The following CEP112 variants were observed in gnomAD, a reference collection of about 807,000 sequenced individuals.
The protein encoded by CEP112 is centrosomal protein of 112 kDa.
CEP112 carries 127 observed loss-of-function variants against 153.0 expected under a neutral mutation model. The ratio of observed to expected loss-of-function variants is 0.83; its 90% CI spans 0.72 to 0.96. CEP112 has a LOEUF of 0.96. Among genes scored for constraint, CEP112 ranks in the 40% least tolerant of loss-of-function variants. The probability of loss-of-function intolerance (pLI) is 0.00; values close to 1 mark genes in which losing one functional copy is unlikely to be tolerated. For synonymous variants in CEP112, 358 were observed against 374.4 expected (o/e 0.96, Z 0.51); for missense variants, 1,089 against 1,101.2 (o/e 0.99, Z 0.16).
chr17:65,895,779 C>A (rs1054825117), intron 20 of CEP112, among the ~76,000 whole-genome samples: 1 of 152,072 alleles, frequency 6.6e-6, no homozygotes, highest in African/African-American at 2.4e-5. Flanking sequence ...TGGATGTGGT[C>A]ATCTCTTTAG....
intron 24 of CEP112, chr17:65,655,402 C>T: frequency 6.8e-7 from 1 of 1,466,896 alleles, no homozygotes; most frequent in Non-Finnish European, 9.5e-7. Flanking sequence ...GAACTAAGAA[C>T]AGTACATGAC....
intron 21 of CEP112, among the ~76,000 whole-genome samples, chr17:65,846,274 A>T (rs969308189): frequency 5.9e-5 from 9 of 152,366 alleles, no homozygotes; most frequent in Non-Finnish European, 1.2e-4. Flanking sequence ...GCAGCTTGTT[A>T]GTTTTATTCA....
rs184353229 is a variant in CEP112, at chr17:66,122,166, T to C, written c.642+7580A>G. Among the ~76,000 whole-genome samples the C allele has an allele frequency of 4.9e-3, 742 of 152,314 alleles. 7 individuals carry two copies. The highest frequency in any genetic ancestry group is 0.017 in the African/African-American group (702 of 41,570). On this transcript the variant is annotated intron_variant, in intron 6 of 26. Transcript: ENST00000535342. ...ACCTCAGCCTCCCAAAGTGCTGGGA[T>C]TATAGGCATGAGCCACTGCGCCTGG... is the stretch of plus-strand genomic sequence containing the variant.
At chr17:65,647,161 C>T (rs1464574411) in intron 24 of CEP112, among the ~76,000 whole-genome samples, 4 of 139,182 alleles carry the variant, frequency 2.9e-5, no homozygotes, top group Admixed American at 8.0e-5. Flanking sequence ...CTATATATCA[C>T]TCTTGATTCT....
At chr17:65,970,124 G>A (rs944048185) in intron 17 of CEP112, among the ~76,000 whole-genome samples, 5 of 152,198 alleles carry the variant, frequency 3.3e-5, no homozygotes, top group Non-Finnish European at 7.4e-5. Flanking sequence ...CATATCGCAT[G>A]TATATTGCAT....
intron 23 of CEP112, among the ~76,000 whole-genome samples, chr17:65,740,161 A>C (rs75124058): frequency 0.016 from 2,376 of 152,246 alleles, 53 homozygotes; most frequent in African/African-American, 0.052. Context: ...GAACATTTTC[A>C]ATATCCTTAT....
chr17:66,155,343 G>T (rs1238347510), intron 4 of CEP112, among the ~76,000 whole-genome samples: 1 of 152,090 alleles, frequency 6.6e-6, no homozygotes, highest in Non-Finnish European at 1.5e-5. Flanking sequence ...TGCCGTGAGG[G>T]ACAGTGCATT....
intron 21 of CEP112, among the ~76,000 whole-genome samples, chr17:65,802,142 G>A (rs2055317516): frequency 6.6e-6 from 1 of 152,084 alleles, no homozygotes; most frequent in South Asian, 2.1e-4. Flanking sequence ...CTAGTTAGTG[G>A]TCAGCTAATG....
chr17:65,720,544 G>T (rs1286509948), intron 23 of CEP112, among the ~76,000 whole-genome samples: 1 of 152,200 alleles, frequency 6.6e-6, no homozygotes, highest in Non-Finnish European at 1.5e-5. Flanking sequence ...GACAGAGGCA[G>T]CAAGGATGTC....
At chr17:66,067,452 T>C (rs1026572755) in intron 9 of CEP112, among the ~76,000 whole-genome samples, 10 of 152,214 alleles carry the variant, frequency 6.6e-5, no homozygotes, top group African/African-American at 2.4e-4. Flanking sequence ...ATATTTTTCT[T>C]ATACTTACGA....
intron 2 of CEP112, 128 bp from the exon 3 acceptor site, chr17:66,177,148 G>A: frequency 1.4e-6 from 1 of 707,292 alleles, no homozygotes; most frequent in Non-Finnish European, 2.3e-6. Context: ...TTAAAGGCCA[G>A]AGAGTATATA....
chr17:66,087,216 C>T (rs892048804), intron 8 of CEP112, among the ~76,000 whole-genome samples: 21 of 152,082 alleles, frequency 1.4e-4, no homozygotes, highest in African/African-American at 4.6e-4. Flanking sequence ...TGATGCAATG[C>T]ATGATAGCTT....
chr17:65,971,206 T>C (rs572229815), intron 17 of CEP112, among the ~76,000 whole-genome samples: 49 of 152,130 alleles, frequency 3.2e-4, no homozygotes, highest in African/African-American at 1.1e-3. Context: ...ACATTGCACG[T>C]ATGTATATCA....
At chr17:65,859,813 C>T (rs995441029) in intron 20 of CEP112, among the ~76,000 whole-genome samples, 2 of 148,484 alleles carry the variant, frequency 1.3e-5, no homozygotes, top group Non-Finnish European at 3.0e-5. Flanking sequence ...TTGAGACTAG[C>T]CTGGTCAACA....
chr17:66,016,849 A>G (rs2064796923), intron 16 of CEP112, among the ~76,000 whole-genome samples: 2 of 152,156 alleles, frequency 1.3e-5, no homozygotes, highest in African/African-American at 2.4e-5. Flanking sequence ...AGAAAAATCT[A>G]TCTCTAAAAT....
rs185021449 is a variant in CEP112, at chr17:65,890,435, T to G, written c.2163+11717A>C. On this transcript the variant is annotated intron_variant, in intron 20 of 26. Transcript: ENST00000535342. ...TTTAAAACTCAAAGCATCTGATGTC[T>G]ACTCTAATGGAACCTCTTCTGATGA... Among the ~76,000 whole-genome samples, 873 of 152,330 alleles carry G rather than the reference T, an allele frequency of 5.7e-3. 8 individuals are homozygous for G. The highest frequency in any genetic ancestry group is 0.019 in the African/African-American group (810 of 41,576).
chr17:65,728,793 T>C (rs1332084782), intron 23 of CEP112, among the ~76,000 whole-genome samples: 3 of 152,162 alleles, frequency 2.0e-5, no homozygotes, highest in Non-Finnish European at 4.4e-5. Flanking sequence ...CTTGCGGGAC[T>C]GGAAGTTGCA....
At chr17:65,854,711 C>T (rs1235595296) in intron 20 of CEP112, among the ~76,000 whole-genome samples, 1 of 152,148 alleles carries the variant, frequency 6.6e-6, no homozygotes, top group Non-Finnish European at 1.5e-5. Flanking sequence ...GAAATCTATG[C>T]ACTGTTTTAA....
At chr17:66,050,159 CA>C (rs1568431482) in intron 12 of CEP112, among the ~76,000 whole-genome samples, 1 of 152,226 alleles carries the variant, frequency 6.6e-6, no homozygotes, top group South Asian at 2.1e-4. Context: ...AGTGGGGTCA[CA>C]TTTTTTTCTA....
Sources: gnomAD v4.1 joint callset for allele counts (sites outside exome capture counted in the v4.1 genomes callset) on GRCh38, gnomAD v4.1.1 for gene constraint, MANE v1.5 for transcripts, NCBI Gene and HGNC (gene_info 2026-07-23, HGNC 2026-07-21) for gene names.